The following MGAT4C variants were observed in gnomAD, a reference collection of about 807,000 sequenced individuals.
The protein encoded by MGAT4C is MGAT4 family member C.
MGAT4C carries 19 observed loss-of-function variants against 40.1 expected under a neutral mutation model. The ratio of observed to expected loss-of-function variants is 0.47; its 90% confidence interval spans 0.33 to 0.70. The LOEUF (loss-of-function observed/expected upper bound fraction) is 0.70, where lower values mean the gene tolerates loss of function less well. MGAT4C is among the 30% of genes least tolerant of loss of function. MGAT4C has a pLI of 0.02. For synonymous variants in MGAT4C, 181 were observed against 187.1 expected (o/e 0.97, Z 0.27); for missense variants, 491 against 563.2 (o/e 0.87, Z 1.30).
At chr12:86,039,660 T>C (rs1891610534) in intron 2 of MGAT4C, among the ~76,000 whole-genome samples, 1 of 152,168 alleles carries the variant, frequency 6.6e-6, no homozygotes, top group African/African-American at 2.4e-5. Context: ...TTGCAGTTGG[T>C]TAGAACACGC....
At chr12:86,002,738 AT>A (rs1022558441) in intron 2 of MGAT4C, among the ~76,000 whole-genome samples, 3 of 150,140 alleles carry the variant, frequency 2.0e-5, no homozygotes, top group African/African-American at 7.3e-5. Context: ...AGTAATATAT[AT>A]GATTATATAT....
At chr12:86,197,775 A>G (rs1949879410) in intron 1 of MGAT4C, among the ~76,000 whole-genome samples, 1 of 152,212 alleles carries the variant, frequency 6.6e-6, no homozygotes, top group Non-Finnish European at 1.5e-5. Context: ...TAACTCAAAA[A>G]AGTAAAAGAT....
intron 2 of MGAT4C, among the ~76,000 whole-genome samples, chr12:86,625,349 G>A (rs55860954): frequency 0.13 from 19,761 of 151,822 alleles, 1,990 homozygotes; most frequent in African/African-American, 0.28. Flanking sequence ...TAATACACTA[G>A]GTATAAAGAA....
intron 1 of MGAT4C, among the ~76,000 whole-genome samples, chr12:86,224,371 C>T (rs1390790825): frequency 2.0e-5 from 3 of 152,020 alleles, no homozygotes; most frequent in Non-Finnish European, 2.9e-5. Context: ...TTCAACACCC[C>T]ACTGCCTGCT....
At chr12:86,264,814 C>G (rs1952745493) in intron 4 of MGAT4C, among the ~76,000 whole-genome samples, 1 of 152,144 alleles carries the variant, frequency 6.6e-6, no homozygotes, top group African/African-American at 2.4e-5. Flanking sequence ...GATCTCAGAG[C>G]AAAGTTGAGG....
intron 3 of MGAT4C, among the ~76,000 whole-genome samples, chr12:86,365,399 G>A (rs1922747): frequency 0.73 from 110,407 of 151,978 alleles, 40,341 homozygotes; most frequent in East Asian, 0.91. Context: ...AGGGGCCTGA[G>A]GCAACATACA....
intron 2 of MGAT4C, among the ~76,000 whole-genome samples, chr12:86,611,159 T>C (rs945963582): frequency 3.3e-5 from 5 of 152,108 alleles, no homozygotes; most frequent in African/African-American, 1.2e-4. Flanking sequence ...TACATTTCCA[T>C]GGCTGCCAAA....
At chr12:86,483,392 C>T (rs1957967804) in intron 2 of MGAT4C, among the ~76,000 whole-genome samples, 1 of 152,010 alleles carries the variant, frequency 6.6e-6, no homozygotes, top group Non-Finnish European at 1.5e-5. Context: ...TAATAAATAA[C>T]ATTTTACCCC....
In MGAT4C at chr12:86,706,544, C is replaced by A. The variant is rs1343194429; in HGVS notation, c.-229+20665G>T. ...AAGGGCTAGGTTTACAGGCATGAGC[C>A]ACCACACCCAGCCTTATACTAGTTT... On this transcript the variant is annotated intron_variant, in intron 2 of 7. Transcript: ENST00000548651. Among the ~76,000 whole-genome samples, 4 of 152,098 alleles carry A rather than the reference C, an allele frequency of 2.6e-5. No individual in the cohort carries two copies. In the East Asian group the frequency reaches 7.7e-4, roughly 29 times the overall value.
At position 85,972,123 on chromosome 12, in the gene MGAT4C, A is replaced by G. The variant is rs1012198845; in HGVS notation, c.*7166T>C. 6.6e-6 allele frequency: 1 copy of G among 151,114 alleles called. No homozygotes were observed. The highest frequency in any genetic ancestry group is 1.5e-5 in the Non-Finnish European group (1 of 67,282). 9.4% of individuals were successfully genotyped at this position (151,114 alleles called of 1,614,324 possible). A position where few individuals can be genotyped will look rare whatever the true frequency, so the allele number is the denominator to read the frequency against. On this transcript the variant is annotated 3_prime_UTR_variant, in exon 5 of 5. Transcript: ENST00000611864. ...TGACAATTTGTGACAAATTTTCTAA[A>G]TGTTTTTCCAAAAATAGTTGGTTCT...
At chr12:86,212,032 T>G (rs2135961111) in intron 1 of MGAT4C, among the ~76,000 whole-genome samples, 1 of 152,318 alleles carries the variant, frequency 6.6e-6, no homozygotes, top group East Asian at 1.9e-4. Context: ...TGCTACCTCC[T>G]AACGTTTCTA....
At chr12:86,596,200 A>AAAAT (rs150343887) in intron 2 of MGAT4C, among the ~76,000 whole-genome samples, 24 of 150,864 alleles carry the variant, frequency 1.6e-4, no homozygotes, top group South Asian at 4.2e-4. Context: ...ATCACGGATT[A>AAAAT]AAATAAATAA....
intron 2 of MGAT4C, among the ~76,000 whole-genome samples, chr12:86,482,351 C>T (rs1957952330): frequency 1.3e-5 from 2 of 152,022 alleles, no homozygotes; most frequent in Admixed American, 1.3e-4. Context: ...CCAAATACTG[C>T]TATCAATTCT....
intron 2 of MGAT4C, among the ~76,000 whole-genome samples, chr12:86,702,208 A>ATTT (rs34991687): frequency 1.4e-5 from 2 of 138,792 alleles, no homozygotes; most frequent in Admixed American, 7.2e-5. Context: ...ACACCCAGCT[A>ATTT]TTTTTTTTTT....
intron 1 of MGAT4C, among the ~76,000 whole-genome samples, chr12:86,170,888 A>G (rs961306536): frequency 6.6e-5 from 10 of 152,094 alleles, no homozygotes; most frequent in Admixed American, 5.2e-4. Context: ...AGGCTGGGCG[A>G]CAGAGTGAGA....
chr12:86,558,436 A>C (rs1959713347), intron 2 of MGAT4C, among the ~76,000 whole-genome samples: 1 of 152,130 alleles, frequency 6.6e-6, no homozygotes, highest in African/African-American at 2.4e-5. Context: ...AGGACAAAGA[A>C]AAAGTTATAA....
chr12:86,562,076 C>T (rs755891941), intron 2 of MGAT4C, among the ~76,000 whole-genome samples: 3 of 152,124 alleles, frequency 2.0e-5, no homozygotes, highest in Non-Finnish European at 4.4e-5. Flanking sequence ...GGAGAACCAA[C>T]GAATATAATG....
At chr12:86,446,444 TCTGA>T (rs1957335302) in intron 2 of MGAT4C, among the ~76,000 whole-genome samples, 2 of 151,552 alleles carry the variant, frequency 1.3e-5, no homozygotes, top group South Asian at 4.2e-4. Context: ...TTCTTGAGGC[TCTGA>T]CTTAGAGAAA....
chr12:86,781,814 A>G (rs879665032), intron 1 of MGAT4C, among the ~76,000 whole-genome samples: 44 of 152,284 alleles, frequency 2.9e-4, no homozygotes, highest in Non-Finnish European at 5.0e-4. Context: ...TAATTTCCAT[A>G]GTTGTGGATG....
Sources: gnomAD v4.1 joint callset for allele counts (sites outside exome capture counted in the v4.1 genomes callset) on GRCh38, gnomAD v4.1.1 for gene constraint, MANE v1.5 for transcripts, NCBI Gene and HGNC (gene_info 2026-07-23, HGNC 2026-07-21) for gene names.